The following CMC1 variants were observed in gnomAD, a reference collection of about 807,000 sequenced individuals.
The protein encoded by CMC1 is COX assembly mitochondrial protein homolog.
In CMC1, 14 loss-of-function variants were observed where a neutral mutation model predicts 14.1. The ratio of observed to expected loss-of-function variants is 0.99; its 90% confidence interval spans 0.66 to 1.55. CMC1 has a LOEUF of 1.55. Ranked by LOEUF, CMC1 falls within the 40% of genes most tolerant of loss-of-function variation. CMC1 has a pLI of 0.00. For synonymous variants in CMC1, 50 were observed against 38.4 expected, an observed-to-expected ratio of 1.30 and a Z score of -1.12; for missense variants, 127 against 123.8, an observed-to-expected ratio of 1.03 and a Z score of -0.12.
chr3:28,255,685 A>G (rs1699363566), intron 1 of CMC1, among the ~76,000 whole-genome samples: 2 of 139,508 alleles, frequency 1.4e-5, no homozygotes, highest in African/African-American at 5.2e-5. Flanking sequence ...ACATTTTTGA[A>G]ACGTTGTTAA....
chr3:28,316,681 A>G (rs969011715), intron 3 of CMC1: 1 of 258,048 alleles, frequency 3.9e-6, no homozygotes, highest in African/African-American at 2.2e-5. Context: ...ACTATTTAAT[A>G]AATCTTTTTT....
At chr3:28,252,611 C>A (rs886347406) in intron 1 of CMC1, among the ~76,000 whole-genome samples, 3 of 152,112 alleles carry the variant, frequency 2.0e-5, no homozygotes, top group Non-Finnish European at 4.4e-5. Flanking sequence ...TCAAATGGTG[C>A]TTCTGAAACA....
chr3:28,259,766 C>T (rs1380311804), intron 1 of CMC1, among the ~76,000 whole-genome samples: 1 of 152,018 alleles, frequency 6.6e-6, no homozygotes, highest in Non-Finnish European at 1.5e-5. Context: ...ATCTGTAGTA[C>T]AATATCAAAA....
chr3:28,258,060 T>TTATATATATATATATA lies in CMC1; in HGVS notation c.20-5220_20-5205dup, dbSNP rs56153777. On this transcript the variant is annotated intron_variant, in intron 1 of 3. Transcript: ENST00000466830. ...TCTTGATTAATGATTTTGAGCACCT[T>TTATATATATATATATA]TATATATATATATATATATATATAT... Among the ~76,000 whole-genome samples the TTATATATATATATATA allele has an allele frequency of 3.7e-3, 501 of 135,336 alleles. 7 individuals carry two copies. Among genetic ancestry groups the TTATATATATATATATA allele is most frequent in the Middle Eastern group, 0.011 (3 of 268 alleles). 88.8% of individuals were successfully genotyped at this position (135,336 alleles called of 152,430 possible).
At chr3:28,297,977 A>T (rs895569171) in intron 2 of CMC1, among the ~76,000 whole-genome samples, 1 of 151,994 alleles carries the variant, frequency 6.6e-6, no homozygotes, top group Non-Finnish European at 1.5e-5. Flanking sequence ...ACTGTGCTCC[A>T]GTCATAAGAA....
chr3:28,323,987 A>G lies in CMC1; in HGVS notation c.*4358A>G. The G allele has an allele frequency of 6.7e-7, 1 of 1,501,648 alleles. No homozygotes were observed. Among genetic ancestry groups the G allele is most frequent in the Non-Finnish European group, 9.0e-7 (1 of 1,113,230 alleles). The allele number at this position is 1,501,648 out of a possible 1,614,324, so 93.0% of individuals were successfully genotyped here. A position where few individuals can be genotyped will look rare whatever the true frequency, so the allele number is the denominator to read the frequency against. On this transcript the variant is annotated 3_prime_UTR_variant, in exon 4 of 4. Coordinates refer to ENST00000466830, the MANE Select transcript of CMC1 (RefSeq NM_182523.2). ...TCAGTTTGTTAAATAATTTCTTGGG[A>G]GGACCACTGAAAGAGATAAGTGTCC... is the stretch of plus-strand genomic sequence containing the variant.
intron 3 of CMC1, chr3:28,318,179 A>G (rs927992718): frequency 6.6e-6 from 1 of 151,840 alleles, no homozygotes; most frequent in Non-Finnish European, 1.5e-5. Flanking sequence ...ATCCTCTCTC[A>G]TTTTGAAACA....
chr3:28,320,809 T>C lies in CMC1; in HGVS notation c.*1180T>C, dbSNP rs1703163153. 6.8e-6 allele frequency: 1 copy of C among 146,460 alleles called. No individual in the cohort carries two copies. Among genetic ancestry groups the C allele is most frequent in the Non-Finnish European group, 1.5e-5 (1 of 64,608 alleles). The allele number at this position is 146,460 out of a possible 1,614,324, so 9.1% of individuals were successfully genotyped here. ...TGTCCCAATTTAATAATTTGAGCTT[T>C]TATATTAAAAGTTATTTTTTCCCCA... On this transcript the variant is annotated 3_prime_UTR_variant, in exon 4 of 4. Transcript: ENST00000466830.
At chr3:28,292,345 C>T (rs1701515640) in intron 2 of CMC1, among the ~76,000 whole-genome samples, 6 of 152,212 alleles carry the variant, frequency 3.9e-5, no homozygotes, top group Admixed American at 2.6e-4. Context: ...TCTTCAATAT[C>T]TTTTCAATTA....
At chr3:28,252,248 C>T (rs1277384839) in intron 1 of CMC1, among the ~76,000 whole-genome samples, 1 of 152,074 alleles carries the variant, frequency 6.6e-6, no homozygotes, top group East Asian at 1.9e-4. Flanking sequence ...CTAGTGTGAA[C>T]AAGGTGGTTA....
chr3:28,308,851 C>T (rs1055314380), intron 2 of CMC1, among the ~76,000 whole-genome samples: 21 of 152,054 alleles, frequency 1.4e-4, no homozygotes, highest in Non-Finnish European at 2.2e-4. Context: ...TGTGTGGTGG[C>T]GCATGCCTGT....
chr3:28,289,080 A>T (rs991511809), intron 2 of CMC1, among the ~76,000 whole-genome samples: 4 of 151,360 alleles, frequency 2.6e-5, no homozygotes, highest in Admixed American at 2.0e-4. Flanking sequence ...TTCTTTAAAT[A>T]TATTTTTAAA....
At chr3:28,274,969 T>G (rs908988449) in intron 2 of CMC1, among the ~76,000 whole-genome samples, 3 of 152,200 alleles carry the variant, frequency 2.0e-5, no homozygotes, top group East Asian at 1.9e-4. Context: ...TCTAAACTGG[T>G]CATTCTGGTT....
At chr3:28,267,156 G>A (rs1203530466) in intron 2 of CMC1, among the ~76,000 whole-genome samples, 8 of 152,032 alleles carry the variant, frequency 5.3e-5, no homozygotes, top group Non-Finnish European at 7.4e-5. Flanking sequence ...AATGATTTAT[G>A]TTTTCTGTTA....
chr3:28,301,036 G>T (rs1461309363), intron 2 of CMC1, among the ~76,000 whole-genome samples: 1 of 148,458 alleles, frequency 6.7e-6, no homozygotes, highest in African/African-American at 2.5e-5. Flanking sequence ...TTTTTTTAGT[G>T]GCTACATAGT....
At chr3:28,259,798 A>C (rs1365170151) in intron 1 of CMC1, among the ~76,000 whole-genome samples, 1 of 152,180 alleles carries the variant, frequency 6.6e-6, no homozygotes, top group Non-Finnish European at 1.5e-5. Flanking sequence ...AAGTTGATAC[A>C]ATACTGTTAA....
chr3:28,307,527 C>A (rs151127401), intron 2 of CMC1, among the ~76,000 whole-genome samples: 2 of 152,090 alleles, frequency 1.3e-5, no homozygotes, highest in Non-Finnish European at 2.9e-5. Context: ...GTATTATTCA[C>A]GCATCAGTTC....
intron 2 of CMC1, among the ~76,000 whole-genome samples, chr3:28,289,677 T>G (rs1427177049): frequency 6.6e-6 from 1 of 152,138 alleles, no homozygotes; most frequent in Admixed American, 6.6e-5. Context: ...TCTAACAATA[T>G]GTGAGACTTC....
At chr3:28,312,519 C>G (rs1439174893) in intron 2 of CMC1, among the ~76,000 whole-genome samples, 1 of 152,144 alleles carries the variant, frequency 6.6e-6, no homozygotes, top group African/African-American at 2.4e-5. Context: ...ATTTCTAGTT[C>G]AATGCACAGT....
Sources: gnomAD v4.1 joint callset for allele counts (sites outside exome capture counted in the v4.1 genomes callset) on GRCh38, gnomAD v4.1.1 for gene constraint, MANE v1.5 for transcripts, NCBI Gene and HGNC (gene_info 2026-07-23, HGNC 2026-07-21) for gene names.